Variants in OVOL2 observed in about 807,000 individuals in gnomAD.
OVOL2 encodes ovo like zinc finger 2.
In OVOL2, 13 loss-of-function variants were observed where a neutral mutation model predicts 18.1. The ratio of observed to expected loss-of-function variants is 0.72; its 90% CI spans 0.47 to 1.14. The LOEUF is 1.14. OVOL2 is among the 50% of genes most tolerant of loss of function. OVOL2 has a pLI of 0.00. For missense variants in OVOL2, 335 were observed against 383.0 expected, an observed-to-expected ratio of 0.87 and a Z score of 1.05; for synonymous variants, 166 against 162.7, an observed-to-expected ratio of 1.02 and a Z score of -0.16.
At chr20:18,033,476 C>T (rs897294369) in intron 3 of OVOL2, among the ~76,000 whole-genome samples, 4 of 152,230 alleles carry the variant, frequency 2.6e-5, no homozygotes, top group South Asian at 2.1e-4. Flanking sequence ...GGGAGCCCCA[C>T]GGATGTGTGT....
chr20:18,036,341 T>C (rs1356578841), intron 3 of OVOL2, among the ~76,000 whole-genome samples: 2 of 152,144 alleles, frequency 1.3e-5, no homozygotes, highest in Non-Finnish European at 2.9e-5. Flanking sequence ...CTTCTTTTTT[T>C]GCATTACAAC....
chr20:18,047,886 TGAA>T (rs771316779), intron 2 of OVOL2, among the ~76,000 whole-genome samples: 108 of 129,854 alleles, frequency 8.3e-4, no homozygotes, highest in Non-Finnish European at 1.3e-3. Flanking sequence ...AAGAAAGAAA[TGAA>T]GAAATTAAAT....
intron 2 of OVOL2, among the ~76,000 whole-genome samples, chr20:18,042,718 G>A (rs969496218): frequency 6.7e-6 from 1 of 148,834 alleles, no homozygotes; most frequent in South Asian, 2.1e-4. Flanking sequence ...AAAGGTTGCG[G>A]TGAGCCAAGA....
chr20:18,057,458 A>G lies in OVOL2; in HGVS notation c.100+77T>C. 1 of 1,481,184 alleles carries G rather than the reference A, an allele frequency of 6.8e-7. No individual in the cohort carries two copies. Among genetic ancestry groups the G allele is most frequent in the Non-Finnish European group, 9.1e-7 (1 of 1,097,874 alleles). 91.8% of individuals were successfully genotyped at this position (1,481,184 alleles called of 1,614,324 possible). On this transcript the variant is annotated intron_variant, in intron 1 of 3. Transcript: ENST00000278780. The surrounding 1 kb of genome is among the most constrained non-coding windows in gnomAD (Gnocchi z 6.3). ...TGAGGTGGGGAGCCCGCCCCTGCCGATGAGCAGAGAAGACCCGCCACCCCT... is the reference window on the plus strand; with the variant it reads ...TGAGGTGGGGAGCCCGCCCCTGCCGGTGAGCAGAGAAGACCCGCCACCCCT...
At chr20:18,028,479 A>C (rs1313172220) in intron 3 of OVOL2, among the ~76,000 whole-genome samples, 1 of 151,766 alleles carries the variant, frequency 6.6e-6, no homozygotes, top group Non-Finnish European at 1.5e-5. Context: ...GCCTGGCCCT[A>C]ATAGTTACCT....
In OVOL2 at chr20:18,031,022, C is replaced by T. The variant is rs148849018; in HGVS notation, c.512-6070G>A. 2.5e-3 allele frequency among the ~76,000 whole-genome samples: 386 copies of T among 152,308 alleles called. 1 individual carries two copies. The highest frequency in any genetic ancestry group is 4.0e-3 in the Non-Finnish European group (274 of 68,030). On this transcript the variant is annotated intron_variant, in intron 3 of 3. Transcript: ENST00000278780. Reference sequence around the variant, plus strand: ...AAGACGGACTGATGCCAAGGCCCCTCCCACCACTGAGGCTCACCCATCTTG... The same window carrying T: ...AAGACGGACTGATGCCAAGGCCCCTTCCACCACTGAGGCTCACCCATCTTG...
intron 2 of OVOL2, among the ~76,000 whole-genome samples, chr20:18,055,993 G>A (rs781418371): frequency 3.9e-5 from 6 of 152,148 alleles, no homozygotes; most frequent in Admixed American, 6.5e-5. Context: ...ACCATAGATG[G>A]GAGGAAACAC....
Position 18,056,550 on chromosome 20 carries a change from C to T in OVOL2, c.321+107G>A. On this transcript the variant is annotated intron_variant, in intron 2 of 3. Coordinates refer to ENST00000278780, the MANE Select transcript of OVOL2 (RefSeq NM_021220.4). This position sits in a 1 kb window ranked among gnomAD's most constrained non-coding sequence, Gnocchi z 4.2. ...CGGCGCGGCGGGCGCGCTCGGGGCG[C>T]GGGTGCCGGGTTGCGCAGGCGGGCG... The T allele has an allele frequency of 8.7e-7, 1 of 1,146,296 alleles. No individual in the cohort carries two copies. The highest frequency in any genetic ancestry group is 1.1e-6 in the Non-Finnish European group (1 of 933,404). The allele number at this position is 1,146,296 out of a possible 1,614,324, so 71.0% of individuals were successfully genotyped here.
At chr20:18,049,551 T>TC (rs11472784) in intron 2 of OVOL2, among the ~76,000 whole-genome samples, 10,236 of 149,586 alleles carry the variant, frequency 0.068, 403 homozygotes, top group African/African-American at 0.1. Context: ...GCATTCAGAT[T>TC]CCCCCCCCGA....
intron 2 of OVOL2, among the ~76,000 whole-genome samples, chr20:18,042,063 C>A (rs557891439): frequency 6.6e-6 from 1 of 151,998 alleles, no homozygotes; most frequent in African/African-American, 2.4e-5. Context: ...GGGGCACATA[C>A]AACCACGCCT....
chr20:18,056,984 G>A lies in OVOL2; in HGVS notation c.101-107C>T. On this transcript the variant is annotated intron_variant, in intron 1 of 3. Transcript: ENST00000278780. This position sits in a 1 kb window ranked among gnomAD's most constrained non-coding sequence, Gnocchi z 4.2. ...CTGCCGCCGCCCCGCCCCGGACCTG[G>A]GCACCTCGCCAAGTGGGCAACGTCG... 7.7e-7 allele frequency: 1 copy of A among 1,301,882 alleles called. No individual in the cohort carries two copies. The highest frequency in any genetic ancestry group is 9.9e-7 in the Non-Finnish European group (1 of 1,009,912). 80.6% of individuals were successfully genotyped at this position (1,301,882 alleles called of 1,614,324 possible).
chr20:18,029,795 T>C (rs766842177), intron 3 of OVOL2, among the ~76,000 whole-genome samples: 7 of 151,946 alleles, frequency 4.6e-5, no homozygotes, highest in Non-Finnish European at 7.4e-5. Context: ...CTGGCGAACA[T>C]GGGGAGATCC....
At position 18,057,711 on chromosome 20, in the gene OVOL2, C is replaced by T; in HGVS notation, c.-77G>A. 6.8e-7 allele frequency: 1 copy of T among 1,467,440 alleles called. No individual in the cohort carries two copies. The highest frequency in any genetic ancestry group is 1.4e-5 in the South Asian group (1 of 72,396). 90.9% of individuals were successfully genotyped at this position (1,467,440 alleles called of 1,614,324 possible). On this transcript the variant is annotated 5_prime_UTR_variant, in exon 1 of 4. Transcript: ENST00000278780. The surrounding 1 kb of genome is among the most constrained non-coding windows in gnomAD (Gnocchi z 6.3). ...TAGGGGCAACGGCGGCGGCTCCGTC[C>T]CCGGCTCCCGGCGGCCAGAGCCCAC...
chr20:18,043,507 A>C (rs2036695424), intron 2 of OVOL2, among the ~76,000 whole-genome samples: 1 of 152,226 alleles, frequency 6.6e-6, no homozygotes, highest in Non-Finnish European at 1.5e-5. Context: ...CGGAGGAGCC[A>C]GATATGAATA....
intron 3 of OVOL2, among the ~76,000 whole-genome samples, chr20:18,037,150 A>AAAAAG (rs751298916): frequency 2.0e-5 from 3 of 147,208 alleles, no homozygotes; most frequent in Admixed American, 6.9e-5. Context: ...AAAAAAAAAA[A>AAAAAG]AAAGAAAGAA....
At chr20:18,031,058 G>A (rs1012368050) in intron 3 of OVOL2, among the ~76,000 whole-genome samples, 8 of 152,126 alleles carry the variant, frequency 5.3e-5, no homozygotes, top group African/African-American at 1.7e-4. Context: ...GTGCTCTCAC[G>A]CAAAGGCCAA....
At chr20:18,038,677 G>C (rs778895461) in intron 3 of OVOL2, among the ~76,000 whole-genome samples, 2 of 152,112 alleles carry the variant, frequency 1.3e-5, no homozygotes, top group Non-Finnish European at 2.9e-5. Flanking sequence ...AAGCCAGGGT[G>C]GGGGAGTGAC....
rs189170164 is a variant in OVOL2, at chr20:18,024,333, G to A, written c.*303C>T. 8.4e-4 allele frequency: 263 copies of A among 312,586 alleles called. No individual in the cohort carries two copies. Among genetic ancestry groups the A allele is most frequent in the Middle Eastern group, 1.9e-3 (2 of 1,042 alleles). The allele number at this position is 312,586 out of a possible 1,614,324, so 19.4% of individuals were successfully genotyped here. A position where few individuals can be genotyped will look rare whatever the true frequency, so the allele number is the denominator to read the frequency against. On this transcript the variant is annotated 3_prime_UTR_variant, in exon 4 of 4. Transcript: ENST00000278780. ...CTCTCTAAGAAATACCTCTCCTTCC[G>A]TGTGTGAAAATCCTTGGGGGAAAAA...
rs145807960 is a variant in OVOL2, at chr20:18,048,218, C to T, written c.322-6495G>A. Among the ~76,000 whole-genome samples the T allele has an allele frequency of 6.4e-3, 972 of 151,930 alleles. 12 individuals carry two copies. The highest frequency in any genetic ancestry group is 0.022 in the African/African-American group (914 of 41,398). ...ACGAGAATCACTTGAACCCGGGAGG[C>T]GGAGTTTGCAGCGAGCCAAGATCAT... On this transcript the variant is annotated intron_variant, in intron 2 of 3. Coordinates refer to ENST00000278780, the MANE Select transcript of OVOL2 (RefSeq NM_021220.4).
Sources: allele counts gnomAD v4.1 joint callset (sites outside exome capture counted in the v4.1 genomes callset), GRCh38; gene constraint gnomAD v4.1.1; non-coding constraint Gnocchi (gnomAD v3.1); transcripts MANE v1.5; gene names NCBI Gene and HGNC (gene_info 2026-07-23, HGNC 2026-07-21).